IPO11: variants seen among roughly 807,000 people sequenced by gnomAD.
IPO11 encodes importin-11.
Under a neutral mutation model 143.2 loss-of-function variants are expected in IPO11, and 66 were observed. The observed-to-expected ratio is 0.46, with a 90% CI of 0.38 to 0.57. IPO11 has a LOEUF of 0.57. Among genes scored for constraint, IPO11 ranks in the 20% least tolerant of loss-of-function variants. The pLI is 0.00. For synonymous variants in IPO11, 385 were observed against 377.8 expected, an observed-to-expected ratio of 1.02 and a Z score of -0.22; for missense variants, 1,026 against 1,141.0, an observed-to-expected ratio of 0.90 and a Z score of 1.45.
chr5:62,542,688 G>A (rs1193864238), intron 24 of IPO11, among the ~76,000 whole-genome samples: 1 of 151,726 alleles, frequency 6.6e-6, no homozygotes, highest in Non-Finnish European at 1.5e-5. Context: ...ATGGTGTAGA[G>A]CAAAGGATAC....
Position 62,416,809 on chromosome 5 carries a change from C to T in IPO11, c.-7+3880C>T, listed in dbSNP as rs553228918. On this transcript the variant is annotated intron_variant, in intron 1 of 29. Transcript: ENST00000325324. ...GTGCTATCTTGGCTCACTGCAACTT[C>T]TGCCTCCCAGGCTCAAGCGATCCCT... Among the ~76,000 whole-genome samples, 121 of 150,926 alleles carry T rather than the reference C, an allele frequency of 8.0e-4. 1 individual carries two copies. Among genetic ancestry groups the T allele is most frequent in the African/African-American group, 2.8e-3 (114 of 41,116 alleles).
intron 19 of IPO11, among the ~76,000 whole-genome samples, chr5:62,511,173 T>A (rs114782960): frequency 6.6e-6 from 1 of 152,238 alleles, no homozygotes; most frequent in South Asian, 2.1e-4. Flanking sequence ...TTTATTACCC[T>A]ATTTGTAATT....
chr5:62,545,147 C>T (rs866955202), intron 24 of IPO11, among the ~76,000 whole-genome samples: 5 of 152,158 alleles, frequency 3.3e-5, no homozygotes, highest in Admixed American at 1.3e-4. Context: ...CCAAGACAAT[C>T]GTAAGCCAAA....
At chr5:62,430,534 C>CT (rs1469434666) in intron 1 of IPO11, among the ~76,000 whole-genome samples, 1 of 151,748 alleles carries the variant, frequency 6.6e-6, no homozygotes, top group Non-Finnish European at 1.5e-5. Flanking sequence ...GTTACCCAGG[C>CT]TCGTCTTGAA....
At chr5:62,569,684 A>G (rs1454360821) in intron 27 of IPO11, among the ~76,000 whole-genome samples, 3 of 152,226 alleles carry the variant, frequency 2.0e-5, no homozygotes, top group Non-Finnish European at 4.4e-5. Context: ...GGTATATTGA[A>G]TGATGACTAA....
chr5:62,601,387 G>A (rs367723181), intron 28 of IPO11: 10 of 154,760 alleles, frequency 6.5e-5, no homozygotes, highest in African/African-American at 2.4e-4. Context: ...ATAAAATTCT[G>A]TAGATGTGAA....
intron 5 of IPO11, among the ~76,000 whole-genome samples, chr5:62,464,340 G>A (rs1171562932): frequency 1.3e-5 from 2 of 149,896 alleles, no homozygotes; most frequent in Non-Finnish European, 3.0e-5. Context: ...AGTGTTTCAC[G>A]ATGTTGGCCA....
intron 27 of IPO11, among the ~76,000 whole-genome samples, chr5:62,573,398 C>T (rs1744210088): frequency 6.6e-6 from 1 of 152,120 alleles, no homozygotes; most frequent in Non-Finnish European, 1.5e-5. Context: ...TCTGTTTATC[C>T]TAATTTCTCT....
rs184014331 is a variant in IPO11, at chr5:62,429,971, C to T, written c.-6-7303C>T. On this transcript the variant is annotated intron_variant, in intron 1 of 29. Coordinates refer to ENST00000325324, the MANE Select transcript of IPO11 (RefSeq NM_016338.5). ...ATGGGTTTTCACCATGTTGGCCAAG[C>T]TGGTCTCGAACTCTGGACCTCGGGA... Among the ~76,000 whole-genome samples, 3 of 152,218 alleles carry T rather than the reference C, an allele frequency of 2.0e-5. 1 individual carries two copies. The highest frequency in any genetic ancestry group is 2.0e-4 in the Admixed American group (3 of 15,274).
intron 3 of IPO11, among the ~76,000 whole-genome samples, chr5:62,447,461 A>G (rs1193908020): frequency 6.6e-6 from 1 of 152,102 alleles, no homozygotes; most frequent in Non-Finnish European, 1.5e-5. Context: ...TTTTCTACTG[A>G]AAGCTTTGTT....
intron 27 of IPO11, among the ~76,000 whole-genome samples, chr5:62,566,795 A>T (rs1406672430): frequency 6.6e-6 from 1 of 151,978 alleles, no homozygotes; most frequent in African/African-American, 2.4e-5. Flanking sequence ...TGATATAGTC[A>T]CAATTAGAGT....
At chr5:62,439,789 G>A (rs2112136649) in intron 2 of IPO11, among the ~76,000 whole-genome samples, 1 of 152,194 alleles carries the variant, frequency 6.6e-6, no homozygotes, top group African/African-American at 2.4e-5. Flanking sequence ...CTGTGTTTTA[G>A]TCTTCCTTTT....
At chr5:62,604,552 C>G (rs564745319) in intron 29 of IPO11, among the ~76,000 whole-genome samples, 1 of 151,994 alleles carries the variant, frequency 6.6e-6, no homozygotes, top group East Asian at 1.9e-4. Context: ...TTTTTTTGCA[C>G]CTACAGTAAT....
At chr5:62,473,648 C>G (rs1745860571) in intron 7 of IPO11, among the ~76,000 whole-genome samples, 1 of 152,054 alleles carries the variant, frequency 6.6e-6, no homozygotes, top group Non-Finnish European at 1.5e-5. Context: ...ATGAGACTAC[C>G]TCATTTGCTA....
At chr5:62,526,321 A>G in intron 21 of IPO11, 64 bp downstream of exon 21, 1 of 1,140,136 alleles carries the variant, frequency 8.8e-7, no homozygotes, top group Non-Finnish European at 1.3e-6. Context: ...CTCTCATGCC[A>G]GTAAAGTTAA....
chr5:62,470,368 A>G (rs1745721714), intron 7 of IPO11, 60 bp downstream of exon 7: 1 of 1,391,088 alleles, frequency 7.2e-7, no homozygotes, highest in Admixed American at 1.7e-5. Context: ...TGAATGTTTG[A>G]AAGAGTGCTC....
intron 29 of IPO11, among the ~76,000 whole-genome samples, chr5:62,604,885 T>G (rs539322820): frequency 6.6e-6 from 1 of 152,320 alleles, no homozygotes; most frequent in South Asian, 2.1e-4. Context: ...TCCAACAACT[T>G]TAAACAAAGA....
chr5:62,563,514 G>GT (rs1420943470), intron 27 of IPO11, among the ~76,000 whole-genome samples: 1 of 152,152 alleles, frequency 6.6e-6, no homozygotes, highest in Non-Finnish European at 1.5e-5. Context: ...TTTTTGACAT[G>GT]TAAGTTGTGG....
At chr5:62,546,381 A>G (rs1743184784) in intron 24 of IPO11, among the ~76,000 whole-genome samples, 1 of 152,188 alleles carries the variant, frequency 6.6e-6, no homozygotes, top group Non-Finnish European at 1.5e-5. Flanking sequence ...TCTCACTCAT[A>G]GATGGAAATT....
Sources: allele counts gnomAD v4.1 joint callset (sites outside exome capture counted in the v4.1 genomes callset), GRCh38; gene constraint gnomAD v4.1.1; transcripts MANE v1.5; gene names NCBI Gene and HGNC (gene_info 2026-07-23, HGNC 2026-07-21).